Variants in LAMB4 observed in about 807,000 individuals in gnomAD.
LAMB4 encodes laminin subunit beta-4.
Under a neutral mutation model 199.2 loss-of-function variants are expected in LAMB4, and 196 were observed. The observed-to-expected ratio is 0.98, with a 90% CI of 0.88 to 1.11. LAMB4 has a LOEUF of 1.11. Ranked by LOEUF, LAMB4 falls within the 50% of genes least tolerant of loss-of-function variation. The pLI is 0.00. For synonymous variants in LAMB4, 744 were observed against 770.6 expected (o/e 0.97, Z 0.57); for missense variants, 2,080 against 2,171.2 (o/e 0.96, Z 0.83).
rs891370995 is a variant in LAMB4 at position 108,112,569 on chromosome 7, A to G, written c.193-623T>C. Among the ~76,000 whole-genome samples the G allele has an allele frequency of 2.6e-5, 4 of 152,300 alleles. No individual in the cohort carries two copies. In the East Asian group the frequency reaches 7.7e-4, roughly 29 times the overall value. On this transcript the variant is annotated intron_variant, in intron 3 of 33. Coordinates refer to ENST00000388781, the MANE Select transcript of LAMB4 (RefSeq NM_007356.3). ...TGGCCTCCGAAAGTGATGAGATTAC[A>G]GGTGTGAGCCACTGACCCCAGCCTG...
At chr7:108,060,358 G>C (rs1340195802) in intron 23 of LAMB4, among the ~76,000 whole-genome samples, 1 of 151,546 alleles carries the variant, frequency 6.6e-6, no homozygotes, top group African/African-American at 2.4e-5. Flanking sequence ...CTCAAGAATT[G>C]GGAAGCCAGG....
At chr7:108,067,796 G>A (rs371887162) in intron 19 of LAMB4, among the ~76,000 whole-genome samples, 4 of 152,166 alleles carry the variant, frequency 2.6e-5, no homozygotes, top group Non-Finnish European at 4.4e-5. Flanking sequence ...ATTACTCTCG[G>A]TTCCTAATGC....
At position 108,029,093 on chromosome 7, in the gene LAMB4, G is replaced by A. The variant is rs189681685; in HGVS notation, c.5096C>T (p.Ala1699Val). ...TLGKVKQLKD[A>V]AEKLAGDTEA... ...TGTATCTCCAGCCAATTTTTCTGCC[G>A]CATCTTTTAGCTGTTTAACTTTTCC... Residue 1699 changes from alanine to valine, a missense_variant, in exon 33 of 34, where the codon GCG becomes GTG. Coordinates refer to ENST00000388781, the MANE Select transcript of LAMB4 (RefSeq NM_007356.3). The A allele has an allele frequency of 1.8e-5, 29 of 1,613,652 alleles. No individual in the cohort carries two copies. The highest frequency in any genetic ancestry group is 1.7e-4 in the Middle Eastern group (1 of 6,058).
At chr7:108,074,728 C>A (rs73725323) in intron 17 of LAMB4, among the ~76,000 whole-genome samples, 6,089 of 152,174 alleles carry the variant, frequency 0.04, 387 homozygotes, top group African/African-American at 0.14. Context: ...ATCAAACATC[C>A]TTGTAATGAT....
At position 108,052,164 on chromosome 7, in the gene LAMB4, G is replaced by T. The variant is rs2035847409; in HGVS notation, c.3849C>A (p.Asp1283Glu). 3 of 1,612,534 alleles carry T rather than the reference G, an allele frequency of 1.9e-6. No individual in the cohort carries two copies. The South Asian group carries it at 3.3e-5, about 18-fold the overall frequency. Residue 1283 changes from aspartate to glutamate, a missense_variant, in exon 26 of 34, where the codon GAC becomes GAA. Transcript: ENST00000388781. ...CTTCCTGAAGGTCTTCAAGTAAGAG[G>T]TCTGCTTCATTCTTTGCTCTTTCTA... ...DTIERAKNEA[D>E]LLLEDLQEEI...
At chr7:108,031,233 G>T (rs555739639) in intron 31 of LAMB4, among the ~76,000 whole-genome samples, 1 of 151,324 alleles carries the variant, frequency 6.6e-6, no homozygotes, top group East Asian at 1.9e-4. Flanking sequence ...TGAGGCAGGA[G>T]GATTGCTTGA....
At chr7:108,023,274 A>G (rs934966895), downstream of LAMB4, among the ~76,000 whole-genome samples, 1 of 151,116 alleles carries the variant, frequency 6.6e-6, no homozygotes, top group Non-Finnish European at 1.5e-5. Context: ...AACAGAAGCA[A>G]TTTGCTCTAT....
the LAMB4 span, among the ~76,000 whole-genome samples, chr7:108,013,076 C>A: frequency 6.6e-6 from 1 of 152,350 alleles, no homozygotes; most frequent in South Asian, 2.1e-4. Context: ...GCTGTGTCCC[C>A]AGCACTAGCA....
At chr7:108,036,280 C>T (rs749632858) in intron 30 of LAMB4, among the ~76,000 whole-genome samples, 17 of 151,684 alleles carry the variant, frequency 1.1e-4, no homozygotes, top group Non-Finnish European at 1.8e-4. Flanking sequence ...ACCTCCACCT[C>T]CTCAGTTCAA....
intron 14 of LAMB4, among the ~76,000 whole-genome samples, chr7:108,082,113 G>A (rs962091228): frequency 2.0e-5 from 3 of 152,052 alleles, no homozygotes; most frequent in Admixed American, 6.6e-5. Context: ...GGTGGATCAC[G>A]AGGTCAGGAG....
chr7:108,107,703 G>C lies in LAMB4; in HGVS notation c.519C>G (p.Gly173=). 1 of 1,613,724 alleles carries C rather than the reference G, an allele frequency of 6.2e-7. No individual in the cohort carries two copies. Among genetic ancestry groups the C allele is most frequent in the Non-Finnish European group, 8.5e-7 (1 of 1,179,826 alleles). ...CATSFPNITS[G]QAQGVGDIVC... is the part of the protein sequence containing the mutation. ...CAATGTCTCCCACTCCCTGGGCCTG[G>C]CCAGATGTGATGTTAGGAAAGGAAG... is the stretch of plus-strand genomic sequence containing the variant. Residue 173 remains glycine, a synonymous_variant, in exon 6 of 34, where the codon GGC becomes GGG. Transcript: ENST00000388781.
At chr7:108,020,496 G>T (rs935630916), downstream of LAMB4, among the ~76,000 whole-genome samples, 2 of 143,232 alleles carry the variant, frequency 1.4e-5, no homozygotes, top group East Asian at 2.0e-4. Flanking sequence ...AAAAAGAAAA[G>T]AAAAAGTATG....
At position 108,111,920 on chromosome 7, in the gene LAMB4, G is replaced by A. The variant is rs2038239948; in HGVS notation, c.219C>T (p.Asp73=). Reference sequence around the variant, plus strand: ...CATACGGATCATATGGAAATCTAGAGTCACAGATGAAGCATTTTTGTTCCC... The same window carrying A: ...CATACGGATCATATGGAAATCTAGAATCACAGATGAAGCATTTTTGTTCCC... ...LEGEQKCFIC[D]SRFPYDPYDQ... is the part of the protein sequence containing the mutation. Residue 73 remains aspartate, a synonymous_variant, in exon 4 of 34, where the codon GAC becomes GAT. Coordinates refer to ENST00000388781, the MANE Select transcript of LAMB4 (RefSeq NM_007356.3). 6.2e-7 allele frequency: 1 copy of A among 1,607,162 alleles called. No individual in the cohort carries two copies. The highest frequency in any genetic ancestry group is 1.1e-5 in the South Asian group (1 of 88,706).
rs115541775 is a variant in LAMB4 at position 108,100,609 on chromosome 7, C to G, written c.1181-2027G>C. Among the ~76,000 whole-genome samples the G allele has an allele frequency of 6.4e-3, 979 of 152,218 alleles. 8 individuals carry two copies. The highest frequency in any genetic ancestry group is 0.022 in the African/African-American group (912 of 41,536). Reference sequence around the variant, plus strand: ...TCCAAAGCACTATCGAGTTAATACTCAGTGGTTCTTAAGGAACAAGACTTT... The same window carrying G: ...TCCAAAGCACTATCGAGTTAATACTGAGTGGTTCTTAAGGAACAAGACTTT... On this transcript the variant is annotated intron_variant, in intron 10 of 33. Coordinates refer to ENST00000388781, the MANE Select transcript of LAMB4 (RefSeq NM_007356.3).
At chr7:108,121,967 G>A (rs181308326) in intron 2 of LAMB4, among the ~76,000 whole-genome samples, 143 of 152,306 alleles carry the variant, frequency 9.4e-4, no homozygotes, top group African/African-American at 3.3e-3. Context: ...TAGCTAACCT[G>A]CTTGGGAGTT....
chr7:108,097,787 C>A (rs1302445550), intron 11 of LAMB4, among the ~76,000 whole-genome samples: 3 of 152,118 alleles, frequency 2.0e-5, no homozygotes, highest in African/African-American at 7.2e-5. Flanking sequence ...CTTGCAGAAA[C>A]ACATAATGTA....
downstream of LAMB4, among the ~76,000 whole-genome samples, chr7:108,023,108 C>T (rs1406918116): frequency 6.6e-6 from 1 of 152,200 alleles, no homozygotes; most frequent in Non-Finnish European, 1.5e-5. Flanking sequence ...GTCACCATGC[C>T]TGGCTTTAAA....
intron 23 of LAMB4, among the ~76,000 whole-genome samples, chr7:108,061,326 T>C (rs1468193566): frequency 6.6e-6 from 1 of 152,220 alleles, no homozygotes; most frequent in African/African-American, 2.4e-5. Flanking sequence ...GTGACAAATG[T>C]TATTAAATTA....
intron 14 of LAMB4, among the ~76,000 whole-genome samples, chr7:108,090,511 T>C (rs867913424): frequency 2.0e-4 from 31 of 152,118 alleles, no homozygotes; most frequent in Admixed American, 4.6e-4. Flanking sequence ...CCCTCACAAA[T>C]GAAATCAGCA....
Sources: allele counts gnomAD v4.1 joint callset (sites outside exome capture counted in the v4.1 genomes callset), GRCh38; gene constraint gnomAD v4.1.1; transcripts MANE v1.5; gene names NCBI Gene and HGNC (gene_info 2026-07-23, HGNC 2026-07-21).